Variants in CLMN observed in about 807,000 individuals in gnomAD.
The protein encoded by CLMN is calmin, also known as calmin (calponin-like, transmembrane).
CLMN carries 57 observed loss-of-function variants against 92.7 expected under a neutral mutation model. The observed-to-expected ratio is 0.61, with a 90% CI of 0.50 to 0.77. The LOEUF (loss-of-function observed/expected upper bound fraction) is 0.77, where lower values mean the gene tolerates loss of function less well. CLMN is among the 30% of genes least tolerant of loss of function. CLMN has a pLI of 0.00. For synonymous variants in CLMN, 466 were observed against 470.6 expected, an observed-to-expected ratio of 0.99 and a Z score of 0.13; for missense variants, 1,158 against 1,237.5, an observed-to-expected ratio of 0.94 and a Z score of 0.96.
chr14:95,319,615 G>T, intron 1 of CLMN, 96 bp downstream of exon 1: 1 of 999,440 alleles, frequency 1.0e-6, no homozygotes, highest in Non-Finnish European at 1.4e-6. Context: ...AGCGGCCGGC[G>T]AGCGGGGGCG....
chr14:95,302,880 G>A (rs1485069675), intron 1 of CLMN, among the ~76,000 whole-genome samples: 1 of 152,144 alleles, frequency 6.6e-6, no homozygotes, highest in African/African-American at 2.4e-5. Context: ...CACAGGCCAG[G>A]CAGCCTGTCC....
rs949851095 is a variant in CLMN at position 95,187,393 on chromosome 14, G to A, written c.*4171C>T. Reference sequence around the variant, plus strand: ...GCAGGAATGGAACTGATGGAAAAGTGAGCAGGGAGGGGGATCCTAAAACCA... The same window carrying A: ...GCAGGAATGGAACTGATGGAAAAGTAAGCAGGGAGGGGGATCCTAAAACCA... On this transcript the variant is annotated 3_prime_UTR_variant, in exon 13 of 13. Coordinates refer to ENST00000298912, the MANE Select transcript of CLMN (RefSeq NM_024734.4). 6.6e-6 allele frequency: 1 copy of A among 152,372 alleles called. No homozygotes were observed. The highest frequency in any genetic ancestry group is 2.4e-5 in the African/African-American group (1 of 41,470). 9.4% of individuals were successfully genotyped at this position (152,372 alleles called of 1,614,324 possible).
rs1219015792 is a variant in CLMN at position 95,237,491 on chromosome 14, AC to A, written c.83-7359del. ...CTGGCTACCCTGGGTTCTCTCTGTT[AC>A]CACTGGGAGGATCATTTGAGAGCAA... On this transcript the variant is annotated intron_variant, in intron 1 of 12. Coordinates refer to ENST00000298912, the MANE Select transcript of CLMN (RefSeq NM_024734.4). Among the ~76,000 whole-genome samples, 6 of 152,334 alleles carry A rather than the reference AC, an allele frequency of 3.9e-5. No homozygotes were observed. In the East Asian group the frequency reaches 1.2e-3, roughly 29 times the overall value.
At chr14:95,261,312 C>T (rs1462033731) in intron 1 of CLMN, among the ~76,000 whole-genome samples, 1 of 152,170 alleles carries the variant, frequency 6.6e-6, no homozygotes, top group African/African-American at 2.4e-5. Context: ...GGAACGTGCG[C>T]GTCTGGCTGC....
At chr14:95,317,625 A>G (rs537219330) in intron 1 of CLMN, among the ~76,000 whole-genome samples, 2 of 151,958 alleles carry the variant, frequency 1.3e-5, no homozygotes, top group Admixed American at 6.5e-5. Flanking sequence ...GCCAGAGTAC[A>G]TACTGTATGA....
At chr14:95,221,070 C>T (rs1897522219) in intron 4 of CLMN, among the ~76,000 whole-genome samples, 1 of 152,178 alleles carries the variant, frequency 6.6e-6, no homozygotes, top group Admixed American at 6.5e-5. Context: ...TAAAATCTCA[C>T]TGTATGTGCC....
rs1025641950 is a variant in CLMN, at chr14:95,184,229, G to C, written c.*7335C>G. On this transcript the variant is annotated 3_prime_UTR_variant, in exon 13 of 13. Coordinates refer to ENST00000298912, the MANE Select transcript of CLMN (RefSeq NM_024734.4). ...AAGATCACCCAGAGATCTGGTGACA[G>C]AGCTGGGACTCCAATCTAAATCTGG... 2.6e-5 allele frequency: 4 copies of C among 152,236 alleles called. No individual in the cohort carries two copies. The highest frequency in any genetic ancestry group is 9.6e-5 in the African/African-American group (4 of 41,460). The allele number at this position is 152,236 out of a possible 1,614,324, so 9.4% of individuals were successfully genotyped here.
chr14:95,261,143 C>T (rs10145758), intron 1 of CLMN, among the ~76,000 whole-genome samples: 32,074 of 148,694 alleles, frequency 0.22, 4,120 homozygotes, highest in African/African-American at 0.36. Context: ...CGGACTCTGA[C>T]TGGGGGCTGT....
Position 95,242,574 on chromosome 14 carries a change from C to CTTTCTTTCTTTTTTT in CLMN, c.83-12442_83-12441insAAAAAAAGAAAGAAA, listed in dbSNP as rs749024477. ...CATGCCCAGCCTGGCATCTCTTTTT[C>CTTTCTTTCTTTTTTT]TTTTTTTTTGAGACGGAGTCTCGCT... On this transcript the variant is annotated intron_variant, in intron 1 of 12. Coordinates refer to ENST00000298912, the MANE Select transcript of CLMN (RefSeq NM_024734.4). Among the ~76,000 whole-genome samples, 747 of 119,896 alleles carry CTTTCTTTCTTTTTTT rather than the reference C, an allele frequency of 6.2e-3. 7 individuals are homozygous for CTTTCTTTCTTTTTTT. Among genetic ancestry groups the CTTTCTTTCTTTTTTT allele is most frequent in the Middle Eastern group, 7.6e-3 (1 of 132 alleles). The allele number at this position is 119,896 out of a possible 152,430, so 78.7% of individuals were successfully genotyped here.
intron 1 of CLMN, among the ~76,000 whole-genome samples, chr14:95,291,142 G>A (rs908665495): frequency 3.9e-5 from 6 of 152,220 alleles, no homozygotes; most frequent in Non-Finnish European, 5.9e-5. Context: ...GCTTTAGCTG[G>A]CCAGAGTGGA....
intron 1 of CLMN, among the ~76,000 whole-genome samples, chr14:95,265,527 T>C (rs2140710008): frequency 6.6e-6 from 1 of 152,346 alleles, no homozygotes; most frequent in South Asian, 2.1e-4. Context: ...CTCTTGGCTG[T>C]TTCTCTGGAG....
chr14:95,271,085 C>T (rs1012383882), intron 1 of CLMN, among the ~76,000 whole-genome samples: 9 of 152,224 alleles, frequency 5.9e-5, no homozygotes, highest in African/African-American at 1.9e-4. Flanking sequence ...TTTTCATGTG[C>T]TTATTGGTAA....
At chr14:95,280,344 G>C (rs1456655483) in intron 1 of CLMN, among the ~76,000 whole-genome samples, 2 of 152,108 alleles carry the variant, frequency 1.3e-5, no homozygotes, top group Admixed American at 1.3e-4. Flanking sequence ...GGTAAAATTT[G>C]GCTAGATTCT....
chr14:95,185,198 G>A lies in CLMN; in HGVS notation c.*6366C>T, dbSNP rs918635714. 9.9e-5 allele frequency: 15 copies of A among 152,266 alleles called. No homozygotes were observed. Among genetic ancestry groups the A allele is most frequent in the African/African-American group, 3.4e-4 (14 of 41,450 alleles). 9.4% of individuals were successfully genotyped at this position (152,266 alleles called of 1,614,324 possible). A position where few individuals can be genotyped will look rare whatever the true frequency, so the allele number is the denominator to read the frequency against. On this transcript the variant is annotated 3_prime_UTR_variant, in exon 13 of 13. Coordinates refer to ENST00000298912, the MANE Select transcript of CLMN (RefSeq NM_024734.4). ...ACGATGGAAATGGAACCTGTGCAAA[G>A]TCCATGCAAAGTCTGTGCACCGGGC... is the stretch of plus-strand genomic sequence containing the variant.
chr14:95,204,655 G>T (rs1378650856), intron 8 of CLMN, among the ~76,000 whole-genome samples, 192 bp from the exon 9 acceptor site: 1 of 152,186 alleles, frequency 6.6e-6, no homozygotes, highest in Non-Finnish European at 1.5e-5. Context: ...AATGGTTAGA[G>T]AAGACTCTTG....
At position 95,234,026 on chromosome 14, in the gene CLMN, A is replaced by G. The variant is rs1897970469; in HGVS notation, c.83-3893T>C. Among the ~76,000 whole-genome samples, 3 of 152,214 alleles carry G rather than the reference A, an allele frequency of 2.0e-5. No homozygotes were observed. In the South Asian group the frequency reaches 6.2e-4, roughly 32 times the overall value. On this transcript the variant is annotated intron_variant, in intron 1 of 12. Coordinates refer to ENST00000298912, the MANE Select transcript of CLMN (RefSeq NM_024734.4). ...TTATCTGGACCTAAAACTGGGACGC[A>G]TTGCTCAATACACAGGAGAGACTGC... is the stretch of plus-strand genomic sequence containing the variant.
Position 95,191,992 on chromosome 14 carries a change from T to C in CLMN, c.2841-260A>G, listed in dbSNP as rs1896574365. The C allele has an allele frequency of 8.5e-6, 3 of 352,332 alleles. No homozygotes were observed. The Admixed American group carries it at 1.4e-4, about 16-fold the overall frequency. 21.8% of individuals were successfully genotyped at this position (352,332 alleles called of 1,614,324 possible). A position where few individuals can be genotyped will look rare whatever the true frequency, so the allele number is the denominator to read the frequency against. On this transcript the variant is annotated intron_variant, in intron 12 of 12. Coordinates refer to ENST00000298912, the MANE Select transcript of CLMN (RefSeq NM_024734.4). This position sits in a 1 kb window ranked among gnomAD's most constrained non-coding sequence, Gnocchi z 5.3. ...AGGTGAGAGGAGGTGGCAGCCCCAT[T>C]CTGCAGATGGACACACTGAGGCTTT... is the stretch of plus-strand genomic sequence containing the variant.
chr14:95,317,350 G>C (rs758084537), intron 1 of CLMN, among the ~76,000 whole-genome samples: 1 of 152,154 alleles, frequency 6.6e-6, no homozygotes, highest in Non-Finnish European at 1.5e-5. Context: ...TCCACTCCCA[G>C]CCTCTTCTCA....
chr14:95,217,885 C>T (rs977496220), intron 4 of CLMN, among the ~76,000 whole-genome samples: 1 of 152,240 alleles, frequency 6.6e-6, no homozygotes, highest in Non-Finnish European at 1.5e-5. Flanking sequence ...AAAGCACCCT[C>T]CTGAGGTGCC....
Sources: gnomAD v4.1 joint callset for allele counts (sites outside exome capture counted in the v4.1 genomes callset) on GRCh38, gnomAD v4.1.1 for gene constraint, Gnocchi (gnomAD v3.1) non-coding constraint, MANE v1.5 for transcripts, NCBI Gene and HGNC (gene_info 2026-07-23, HGNC 2026-07-21) for gene names.